B4GALNT3: variants seen among roughly 807,000 people sequenced by gnomAD.
The protein encoded by B4GALNT3 is beta-1,4-N-acetylgalactosaminyltransferase 3.
Under a neutral mutation model 120.2 loss-of-function variants are expected in B4GALNT3, and 86 were observed. That is an observed-to-expected ratio of 0.72 (90% CI 0.60 to 0.86). B4GALNT3 has a LOEUF of 0.86. Ranked by LOEUF, B4GALNT3 falls within the 40% of genes least tolerant of loss-of-function variation. The pLI, the probability that B4GALNT3 is intolerant of heterozygous loss-of-function variation, is 0.00. For synonymous variants in B4GALNT3, 518 were observed against 510.4 expected, an observed-to-expected ratio of 1.01 and a Z score of -0.20; for missense variants, 1,167 against 1,298.9, an observed-to-expected ratio of 0.90 and a Z score of 1.56.
intron 10 of B4GALNT3, 25 bp downstream of exon 10, chr12:549,937 G>A (rs558955915): frequency 2.6e-5 from 41 of 1,586,394 alleles, no homozygotes; most frequent in African/African-American, 9.4e-5. Flanking sequence ...AGCGCTTGGC[G>A]TCCTTTCTGG....
At position 525,139 on chromosome 12, in the gene B4GALNT3, C is replaced by T. The variant is rs185714549; in HGVS notation, c.170-10027C>T. Reference sequence around the variant, plus strand: ...ATTTATTGTTGTTGAGACGGAGTCTCGCTCTGTCGCCCGGGCTGGAGTGCA... The same window carrying T: ...ATTTATTGTTGTTGAGACGGAGTCTTGCTCTGTCGCCCGGGCTGGAGTGCA... On this transcript the variant is annotated intron_variant, in intron 1 of 19. Transcript: ENST00000266383. Among the ~76,000 whole-genome samples the T allele has an allele frequency of 4.5e-3, 594 of 132,822 alleles. 3 individuals carry two copies. Among genetic ancestry groups the T allele is most frequent in the Non-Finnish European group, 6.4e-3 (394 of 61,270 alleles). 87.1% of individuals were successfully genotyped at this position (132,822 alleles called of 152,430 possible).
At position 562,311 on chromosome 12, in the gene B4GALNT3, G is replaced by T. The variant is rs1947240067; in HGVS notation, c.*860G>T. ...TGGGTAAGGCCTCCCGAGAGGACAT[G>T]GAGAAGAGGTAAAGAGGATGTGGAC... On this transcript the variant is annotated 3_prime_UTR_variant, in exon 20 of 20. Transcript: ENST00000266383. This position sits in a 1 kb window ranked among gnomAD's most constrained non-coding sequence, Gnocchi z 5.2. The T allele has an allele frequency of 6.6e-6, 1 of 152,466 alleles. No homozygotes were observed. Among genetic ancestry groups the T allele is most frequent in the Non-Finnish European group, 1.5e-5 (1 of 68,206 alleles). 9.4% of individuals were successfully genotyped at this position (152,466 alleles called of 1,614,324 possible).
intron 11 of B4GALNT3, 142 bp downstream of exon 11, chr12:551,173 G>T (rs1341070605): frequency 2.7e-6 from 2 of 739,724 alleles, no homozygotes; most frequent in Non-Finnish European, 2.2e-6. Flanking sequence ...AGGTCCCTGG[G>T]CTGGGAAGAA....
chr12:462,840 T>C (rs1190412311), intron 1 of B4GALNT3, among the ~76,000 whole-genome samples: 3 of 152,198 alleles, frequency 2.0e-5, no homozygotes, highest in African/African-American at 7.2e-5. Flanking sequence ...CCCAGACATC[T>C]TGCATCAAAG....
chr12:512,161 T>G (rs1946582285), intron 1 of B4GALNT3, among the ~76,000 whole-genome samples: 1 of 98,754 alleles, frequency 1.0e-5, no homozygotes, highest in Non-Finnish European at 1.9e-5. Context: ...GCCTTCCGCC[T>G]TCCACCTTCC....
At position 561,709 on chromosome 12, in the gene B4GALNT3, A is replaced by G. The variant is rs186670564; in HGVS notation, c.*258A>G. The stretch of plus-strand genomic sequence containing the variant: ...ACCACTTGCTCAGTCGAGAACGGGA[A>G]GAGCTCCTGAGAAGGACGGGTCAGG... On this transcript the variant is annotated 3_prime_UTR_variant, in exon 20 of 20. Coordinates refer to ENST00000266383, the MANE Select transcript of B4GALNT3 (RefSeq NM_173593.4). 1.4e-4 allele frequency: 62 copies of G among 450,932 alleles called. No homozygotes were observed. Among genetic ancestry groups the G allele is most frequent in the Non-Finnish European group, 2.3e-4 (56 of 248,654 alleles). The allele number at this position is 450,932 out of a possible 1,614,324, so 27.9% of individuals were successfully genotyped here.
At chr12:533,933 C>A (rs991670559) in intron 1 of B4GALNT3, among the ~76,000 whole-genome samples, 2 of 152,192 alleles carry the variant, frequency 1.3e-5, no homozygotes, top group Admixed American at 6.5e-5. Flanking sequence ...GGGTGGTGCT[C>A]TGTGTTCTGT....
rs572986449 is a variant in B4GALNT3, at chr12:559,189, A to G, written c.2762-106A>G. 8.6e-5 allele frequency: 127 copies of G among 1,477,360 alleles called. No individual in the cohort carries two copies. In the East Asian group the frequency reaches 2.3e-3, roughly 27 times the overall value. 91.5% of individuals were successfully genotyped at this position (1,477,360 alleles called of 1,614,324 possible). On this transcript the variant is annotated intron_variant, in intron 18 of 19. Transcript: ENST00000266383. ...ACAGTTTTCAGCCTCCCTCAACCCCAGCCTCTGACTTTCAGAAGAGCCTCT... is the reference window on the plus strand; with the variant it reads ...ACAGTTTTCAGCCTCCCTCAACCCCGGCCTCTGACTTTCAGAAGAGCCTCT...
chr12:512,221 A>C (rs1317549287), intron 1 of B4GALNT3, among the ~76,000 whole-genome samples: 4 of 51,250 alleles, frequency 7.8e-5, no homozygotes, highest in Non-Finnish European at 1.1e-4. Flanking sequence ...TCCACCTTCC[A>C]CCTTCTTCCA....
intron 5 of B4GALNT3, 177 bp from the exon 6 acceptor site, chr12:545,192 T>C (rs1946977604): frequency 2.1e-6 from 3 of 1,448,006 alleles, no homozygotes; most frequent in Non-Finnish European, 2.7e-6. Context: ...TCTCTCCATA[T>C]AAGTCTTCTC....
At chr12:523,748 G>A (rs1212053928) in intron 1 of B4GALNT3, among the ~76,000 whole-genome samples, 1 of 152,206 alleles carries the variant, frequency 6.6e-6, no homozygotes, top group Non-Finnish European at 1.5e-5. Flanking sequence ...AACTAAGAAT[G>A]TGAATCAACT....
chr12:531,916 C>T (rs1260876207), intron 1 of B4GALNT3, among the ~76,000 whole-genome samples: 1 of 151,868 alleles, frequency 6.6e-6, no homozygotes, highest in Non-Finnish European at 1.5e-5. Flanking sequence ...ATTGTTCAAG[C>T]AGTCACAGTT....
intron 1 of B4GALNT3, among the ~76,000 whole-genome samples, chr12:526,195 C>T (rs764205153): frequency 1.3e-5 from 2 of 152,120 alleles, no homozygotes; most frequent in Non-Finnish European, 2.9e-5. Context: ...TGTATCACAG[C>T]GGGTAGCAGA....
At chr12:545,666 AGCGAG>A (rs1946986312) in intron 6 of B4GALNT3, among the ~76,000 whole-genome samples, 197 bp downstream of exon 6, 1 of 123,468 alleles carries the variant, frequency 8.1e-6, no homozygotes, top group Admixed American at 7.9e-5. Context: ...AGTGGGGAGG[AGCGAG>A]GTGTGGGGAG....
chr12:545,226 T>C (rs1382833732), intron 5 of B4GALNT3, 143 bp from the exon 6 acceptor site: 1 of 1,457,906 alleles, frequency 6.9e-7, no homozygotes, highest in Admixed American at 2.4e-5. Flanking sequence ...TCTCCCAGGA[T>C]GTAGAAACCC....
intron 1 of B4GALNT3, among the ~76,000 whole-genome samples, chr12:486,395 A>T (rs1565591188): frequency 6.6e-6 from 1 of 151,806 alleles, no homozygotes. Flanking sequence ...TTTTTAGTAG[A>T]GATGGGGTTT....
intron 1 of B4GALNT3, among the ~76,000 whole-genome samples, chr12:481,491 A>G (rs1565590021): frequency 6.6e-6 from 1 of 152,200 alleles, no homozygotes. Flanking sequence ...TCCAGTGCCC[A>G]GCTGAGGCTG....
At position 476,926 on chromosome 12, in the gene B4GALNT3, C is replaced by T. The variant is rs552697828; in HGVS notation, c.169+16381C>T. 1.1e-4 allele frequency among the ~76,000 whole-genome samples: 16 copies of T among 152,316 alleles called. No individual in the cohort carries two copies. The South Asian group carries it at 3.1e-3, about 30-fold the overall frequency. On this transcript the variant is annotated intron_variant, in intron 1 of 19. Coordinates refer to ENST00000266383, the MANE Select transcript of B4GALNT3 (RefSeq NM_173593.4). Reference sequence around the variant, plus strand: ...CCCATGGCAGACATCTCCAATAGAACATGAAATTCTTTTACCGAGCTCAGC... The same window carrying T: ...CCCATGGCAGACATCTCCAATAGAATATGAAATTCTTTTACCGAGCTCAGC...
At chr12:537,304 A>G (rs1331349752) in intron 3 of B4GALNT3, among the ~76,000 whole-genome samples, 1 of 152,208 alleles carries the variant, frequency 6.6e-6, no homozygotes, top group East Asian at 1.9e-4. Context: ...TATTTTTTAG[A>G]GACAGGGTCT....
Sources: gnomAD v4.1 joint callset for allele counts (sites outside exome capture counted in the v4.1 genomes callset) on GRCh38, gnomAD v4.1.1 for gene constraint, Gnocchi (gnomAD v3.1) non-coding constraint, MANE v1.5 for transcripts, NCBI Gene and HGNC (gene_info 2026-07-23, HGNC 2026-07-21) for gene names.